PDCL3: variants seen among roughly 807,000 people sequenced by gnomAD.
PDCL3 encodes phosducin-like protein 3.
A neutral mutation model predicts 26.5 loss-of-function variants in PDCL3; 22 were observed. The observed-to-expected ratio is 0.83, with a 90% CI of 0.59 to 1.19. The LOEUF (loss-of-function observed/expected upper bound fraction) is 1.19. Ranked by LOEUF, PDCL3 falls within the 50% of genes most tolerant of loss-of-function variation. The probability of loss-of-function intolerance (pLI) is 0.00; values close to 1 mark genes in which losing one functional copy is unlikely to be tolerated. For missense variants in PDCL3, 246 were observed against 294.1 expected (o/e 0.84, Z 1.20); for synonymous variants, 81 against 104.9 (o/e 0.77, Z 1.39).
At chr2:100,568,795 A>G in intron 2 of PDCL3, 136 bp from the exon 3 acceptor site, 1 of 674,988 alleles carries the variant, frequency 1.5e-6, no homozygotes, top group Non-Finnish European at 2.6e-6. Context: ...TGGTGCCTTA[A>G]GTAATTTTTG....
intron 3 of PDCL3, 108 bp from the exon 4 acceptor site, chr2:100,569,470 G>C: frequency 7.7e-7 from 1 of 1,302,616 alleles, no homozygotes; most frequent in Non-Finnish European, 1.0e-6. Flanking sequence ...TTAGATTTTT[G>C]CCATAAGACC....
rs1230154007 is a variant in PDCL3 at position 100,566,534 on chromosome 2, T to A, written c.38T>A (p.Ile13Asn). Residue 13 changes from isoleucine (I) to asparagine (N), a missense_variant, in exon 2 of 6, where the codon ATC becomes AAC. Ile to Asn is a moderately radical substitution (Grantham distance 149). Coordinates refer to ENST00000264254, the MANE Select transcript of PDCL3 (RefSeq NM_024065.5). ...AACGCAGACACTGAATGGAATGACA[T>A]CTTACGCAAAAAGGGTATCTTACCC... ...DPNADTEWND[I>N]LRKKGILPPK... The A allele has an allele frequency of 1.2e-6, 2 of 1,613,152 alleles. No homozygotes were observed. The highest frequency in any genetic ancestry group is 3.3e-5 in the Admixed American group (2 of 60,006).
In PDCL3 at chr2:100,568,943, A is replaced by C. The variant is rs1558696918; in HGVS notation, c.146A>C (p.Glu49Ala). 1.2e-6 allele frequency: 2 copies of C among 1,613,622 alleles called. No homozygotes were observed. Among genetic ancestry groups the C allele is most frequent in the Non-Finnish European group, 8.5e-7 (1 of 1,179,750 alleles). The change falls in exon 3 of 6, where the codon GAA (glutamate) becomes GCA (alanine). Residue 49 changes from glutamate (E) to alanine (A), a missense_variant. Transcript: ENST00000264254. Reference sequence around the variant, plus strand: ...TAACCAAATTCAGTGAAAACATATGAAGATATGACTTTGGAAGAGCTGGAG... The same window carrying C: ...TAACCAAATTCAGTGAAAACATATGCAGATATGACTTTGGAAGAGCTGGAG... ...ILQQSVVKTY[E>A]DMTLEELEDH... is the part of the protein sequence containing the mutation.
chr2:100,566,347 G>A (rs1031097422), intron 1 of PDCL3, among the ~76,000 whole-genome samples, 156 bp from the exon 2 acceptor site: 4 of 152,042 alleles, frequency 2.6e-5, no homozygotes, highest in African/African-American at 9.7e-5. Flanking sequence ...AAAACAAAAC[G>A]GGGGCTATGG....
chr2:100,566,729 A>G, intron 2 of PDCL3, 100 bp downstream of exon 2: 1 of 1,537,462 alleles, frequency 6.5e-7, no homozygotes, highest in Non-Finnish European at 8.8e-7. Flanking sequence ...GCCAGCATGG[A>G]CACTCTGTGT....
Position 100,563,083 on chromosome 2 carries a change from G to C in PDCL3, c.6+10G>C. Reference sequence around the variant, plus strand: ...TGGAAACAAGATGCAGGTGAGCTAGGACGGGTCTCGGGTCTGGGGGCTGCG... The same window carrying C: ...TGGAAACAAGATGCAGGTGAGCTAGCACGGGTCTCGGGTCTGGGGGCTGCG... On this transcript the variant is annotated intron_variant, in intron 1 of 5. Transcript: ENST00000264254. The C allele has an allele frequency of 6.2e-7, 1 of 1,603,352 alleles. No individual in the cohort carries two copies.
intron 3 of PDCL3, 70 bp downstream of exon 3, chr2:100,569,091 G>C: frequency 7.2e-7 from 1 of 1,383,136 alleles, no homozygotes. Context: ...TTTTTTTGGC[G>C]TGGCAATAAA....
intron 3 of PDCL3, among the ~76,000 whole-genome samples, 193 bp downstream of exon 3, chr2:100,569,214 C>G (rs1390234647): frequency 5.9e-5 from 9 of 152,000 alleles, no homozygotes; most frequent in Admixed American, 1.3e-4. Context: ...AACCCCGTCT[C>G]TATAAATAAT....
chr2:100,571,983 TCTA>T, intron 5 of PDCL3, 185 bp downstream of exon 5: 1 of 608,356 alleles, frequency 1.6e-6, no homozygotes. Flanking sequence ...ACAACTGGGC[TCTA>T]CTGATTCTTA....
intron 3 of PDCL3, 56 bp downstream of exon 3, chr2:100,569,077 G>GTTTT: frequency 7.6e-7 from 1 of 1,315,204 alleles, no homozygotes; most frequent in Non-Finnish European, 1.0e-6. Context: ...TTTTGTTTTG[G>GTTTT]TTTTTTTTTT....
chr2:100,571,114 CAA>C (rs59012685), intron 4 of PDCL3, among the ~76,000 whole-genome samples: 11 of 109,080 alleles, frequency 1.0e-4, no homozygotes, highest in Non-Finnish European at 1.3e-4. Context: ...CCTGTCTTTA[CAA>C]AAAAAAAAAA....
At chr2:100,572,953 T>C (rs7560366) in intron 5 of PDCL3, among the ~76,000 whole-genome samples, 75,419 of 151,914 alleles carry the variant, frequency 0.5, 20,170 homozygotes, top group East Asian at 0.97. Flanking sequence ...GGTGCGATCT[T>C]GGTTCACTGG....
chr2:100,569,923 G>A (rs952498568), intron 4 of PDCL3, among the ~76,000 whole-genome samples: 1 of 152,086 alleles, frequency 6.6e-6, no homozygotes, highest in Non-Finnish European at 1.5e-5. Flanking sequence ...TGGCTGACAC[G>A]ATGAAACCCC....
At chr2:100,571,925 C>T (rs1416614862) in intron 5 of PDCL3, 127 bp downstream of exon 5, 9 of 357,240 alleles carry the variant, frequency 2.5e-5, no homozygotes, top group African/African-American at 1.9e-4. Flanking sequence ...TGTATGAGGA[C>T]GGAAGCACGT....
At chr2:100,575,381 C>T (rs896368100) in intron 5 of PDCL3, among the ~76,000 whole-genome samples, 107 of 152,290 alleles carry the variant, frequency 7.0e-4, no homozygotes, top group African/African-American at 2.3e-3. Context: ...GTGATCCGCC[C>T]ACCTTGGCCT....
At position 100,568,993 on chromosome 2, in the gene PDCL3, G is replaced by A. The variant is rs1279460230; in HGVS notation, c.196G>A (p.Glu66Lys). ...GGATCATGAAGACGAGTTTAATGAG[G>A]AGGATGAACGTGCTATTGAAATGTA... Reference protein sequence around the residue: ...LEDHEDEFNEEDERAIEMYRR... With the variant: ...LEDHEDEFNEKDERAIEMYRR... The change falls in exon 3 of 6, where the codon GAG (glutamate) becomes AAG (lysine). Residue 66 changes from glutamate (E) to lysine (K), a missense_variant. Physicochemically the swap from Glu to Lys is moderately conservative, Grantham distance 56. Transcript: ENST00000264254. 2.5e-6 allele frequency: 4 copies of A among 1,614,078 alleles called. No homozygotes were observed. The highest frequency in any genetic ancestry group is 2.2e-5 in the South Asian group (2 of 91,074).
intron 2 of PDCL3, among the ~76,000 whole-genome samples, chr2:100,567,816 A>G (rs1171889001): frequency 6.8e-6 from 1 of 147,884 alleles, no homozygotes; most frequent in Non-Finnish European, 1.5e-5. Flanking sequence ...GAAGAGTGAC[A>G]TTTTCTCTTT....
At chr2:100,571,388 C>G (rs554428168) in intron 4 of PDCL3, among the ~76,000 whole-genome samples, 1 of 150,842 alleles carries the variant, frequency 6.6e-6, no homozygotes, top group Admixed American at 6.6e-5. Context: ...GCTTGTGAGC[C>G]GAGATCACAC....
chr2:100,576,435 T>C lies in PDCL3; in HGVS notation c.659T>C (p.Leu220Ser), dbSNP rs754261194. 3.1e-6 allele frequency: 5 copies of C among 1,613,864 alleles called. No homozygotes were observed. Among genetic ancestry groups the C allele is most frequent in the Non-Finnish European group, 4.2e-6 (5 of 1,179,876 alleles). Residue 220 changes from leucine to serine, a missense_variant, in exon 6 of 6, where the codon TTG (leucine) becomes TCG (serine). Coordinates refer to ENST00000264254, the MANE Select transcript of PDCL3 (RefSeq NM_024065.5). ...CCTAAGAAGCCGATTGAAGACGTGT[T>C]GCTGTCCTCAGTGCGGCGCTCTGTC... is the stretch of plus-strand genomic sequence containing the variant. ...ENPKKPIEDV[L>S]LSSVRRSVLM...
Sources: gnomAD v4.1 joint callset for allele counts (sites outside exome capture counted in the v4.1 genomes callset) on GRCh38, gnomAD v4.1.1 for gene constraint, MANE v1.5 for transcripts, NCBI Gene and HGNC (gene_info 2026-07-23, HGNC 2026-07-21) for gene names.